The following WDPCP variants were observed in gnomAD, a reference collection of about 807,000 sequenced individuals.
WDPCP encodes WD repeat containing planar cell polarity effector.
Under a neutral mutation model 93.1 loss-of-function variants are expected in WDPCP, and 71 were observed. That is an observed-to-expected ratio of 0.76 (90% CI 0.63 to 0.93). WDPCP has a LOEUF of 0.93. WDPCP is among the 40% of genes least tolerant of loss of function. WDPCP has a pLI of 0.00. For synonymous variants in WDPCP, 315 were observed against 315.0 expected (o/e 1.00, Z 0.00); for missense variants, 844 against 887.4 (o/e 0.95, Z 0.62).
chr2:63,602,659 C>A (rs1169995475), intron 3 of WDPCP, among the ~76,000 whole-genome samples: 1 of 152,062 alleles, frequency 6.6e-6, no homozygotes, highest in Non-Finnish European at 1.5e-5. Context: ...TCATCACTCA[C>A]AAAAGAACTC....
chr2:63,453,066 T>C (rs1373361031), intron 6 of WDPCP, among the ~76,000 whole-genome samples: 7 of 152,148 alleles, frequency 4.6e-5, no homozygotes, highest in Non-Finnish European at 1.5e-5. Flanking sequence ...CCAAAAGCAA[T>C]GGCAACAAAA....
chr2:63,831,401 G>A (rs565308415), upstream of WDPCP, among the ~76,000 whole-genome samples: 3 of 151,970 alleles, frequency 2.0e-5, no homozygotes, highest in Middle Eastern at 3.4e-3. Context: ...TCAGAGCCTC[G>A]GTTCTTGCCT....
chr2:63,425,832 A>G (rs1285907665), intron 9 of WDPCP, among the ~76,000 whole-genome samples: 22 of 152,208 alleles, frequency 1.4e-4, no homozygotes, highest in Admixed American at 1.4e-3. Context: ...AACATTCCCA[A>G]TCTCCCTAGA....
intron 1 of WDPCP, among the ~76,000 whole-genome samples, chr2:63,511,852 A>T (rs1310294637): frequency 6.6e-6 from 1 of 152,222 alleles, no homozygotes; most frequent in African/African-American, 2.4e-5. Flanking sequence ...AGACTTCATG[A>T]CTAAAACACT....
chr2:63,618,458 T>G (rs1234324089), intron 3 of WDPCP, among the ~76,000 whole-genome samples: 3 of 152,118 alleles, frequency 2.0e-5, no homozygotes, highest in Non-Finnish European at 4.4e-5. Context: ...GTGTTAAGCA[T>G]TTTCTTTTTC....
intron 6 of WDPCP, among the ~76,000 whole-genome samples, chr2:63,483,962 T>G (rs1051242324): frequency 6.6e-6 from 1 of 151,996 alleles, no homozygotes; most frequent in African/African-American, 2.4e-5. Context: ...AACACTATTG[T>G]CCAATAGAAC....
chr2:63,480,168 A>C (rs1700184320), intron 6 of WDPCP, among the ~76,000 whole-genome samples: 2 of 152,098 alleles, frequency 1.3e-5, no homozygotes, highest in African/African-American at 4.8e-5. Context: ...ATTTAGATAT[A>C]TACCTAACCA....
intron 1 of WDPCP, among the ~76,000 whole-genome samples, chr2:63,546,397 A>T (rs367626277): frequency 6.6e-6 from 1 of 152,204 alleles, no homozygotes; most frequent in Non-Finnish European, 1.5e-5. Flanking sequence ...TCCAATTCTA[A>T]CAACAAGTTT....
chr2:63,757,048 C>A (rs1170022588), intron 2 of WDPCP, among the ~76,000 whole-genome samples: 1 of 152,066 alleles, frequency 6.6e-6, no homozygotes, highest in Non-Finnish European at 1.5e-5. Context: ...TATTTTAGCA[C>A]CCTGAGGAAA....
intron 1 of WDPCP, among the ~76,000 whole-genome samples, chr2:63,817,192 C>T (rs189071103): frequency 1.1e-3 from 169 of 152,066 alleles, no homozygotes; most frequent in Admixed American, 3.9e-3. Context: ...TCAGCGCCAC[C>T]TCTGCTTCCT....
At position 63,449,446 on chromosome 2, in the gene WDPCP, A is replaced by G. The variant is rs538890491; in HGVS notation, c.385-9575T>C. On this transcript the variant is annotated intron_variant, in intron 6 of 17. Coordinates refer to ENST00000272321, the MANE Select transcript of WDPCP (RefSeq NM_015910.7). The stretch of plus-strand genomic sequence containing the variant: ...ACCTTGAATAGAAAATCTAGGAGAG[A>G]ACTAGAGTCTAACAGAGAAGTCATG... Among the ~76,000 whole-genome samples, 32 of 152,284 alleles carry G rather than the reference A, an allele frequency of 2.1e-4. No homozygotes were observed. The South Asian group carries it at 5.8e-3, about 28-fold the overall frequency.
chr2:63,264,390 A>G (rs1348721548), intron 13 of WDPCP, among the ~76,000 whole-genome samples: 1 of 152,228 alleles, frequency 6.6e-6, no homozygotes, highest in African/African-American at 2.4e-5. Context: ...CTGTAATCCC[A>G]GCACTTTGGG....
At chr2:63,299,921 G>C (rs762329116) in intron 13 of WDPCP, among the ~76,000 whole-genome samples, 2 of 152,100 alleles carry the variant, frequency 1.3e-5, no homozygotes, top group Non-Finnish European at 2.9e-5. Flanking sequence ...CTAAGGACTG[G>C]ACATTTTTAA....
At chr2:63,324,542 T>C (rs1047492896) in intron 12 of WDPCP, among the ~76,000 whole-genome samples, 21 of 152,222 alleles carry the variant, frequency 1.4e-4, no homozygotes, top group East Asian at 1.9e-4. Flanking sequence ...GATAGGTACA[T>C]AGATGTCCTA....
At chr2:63,328,445 G>A (rs1415567046) in intron 12 of WDPCP, among the ~76,000 whole-genome samples, 1 of 152,112 alleles carries the variant, frequency 6.6e-6, no homozygotes, top group Non-Finnish European at 1.5e-5. Context: ...AAGTCCGCGA[G>A]ACCACAAATC....
At chr2:63,541,675 A>G (rs1704741334) in intron 1 of WDPCP, among the ~76,000 whole-genome samples, 1 of 152,204 alleles carries the variant, frequency 6.6e-6, no homozygotes, top group Non-Finnish European at 1.5e-5. Flanking sequence ...TGTTAAAGGT[A>G]AGGCGATAAG....
intron 15 of WDPCP, among the ~76,000 whole-genome samples, chr2:63,172,926 G>A (rs948018654): frequency 6.6e-6 from 1 of 151,906 alleles, no homozygotes; most frequent in African/African-American, 2.4e-5. Flanking sequence ...GGAAAATACT[G>A]GACAAGAGAA....
chr2:63,750,141 G>C (rs1669859682), intron 2 of WDPCP, among the ~76,000 whole-genome samples: 1 of 152,048 alleles, frequency 6.6e-6, no homozygotes, highest in Non-Finnish European at 1.5e-5. Context: ...AGACTGGAAT[G>C]GTATGTTACC....
chr2:63,299,519 A>G (rs1235201001), intron 13 of WDPCP, among the ~76,000 whole-genome samples: 1 of 152,164 alleles, frequency 6.6e-6, no homozygotes, highest in Non-Finnish European at 1.5e-5. Context: ...GAGCTCTGCA[A>G]TCAAGGGGCT....
Sources: allele counts gnomAD v4.1 joint callset (sites outside exome capture counted in the v4.1 genomes callset), GRCh38; gene constraint gnomAD v4.1.1; transcripts MANE v1.5; gene names NCBI Gene and HGNC (gene_info 2026-07-23, HGNC 2026-07-21).